Variants in PHF3 observed in about 807,000 individuals in gnomAD.
The protein encoded by PHF3 is PHD finger protein 3.
A neutral mutation model predicts 178.4 loss-of-function variants in PHF3; 41 were observed. The ratio of observed to expected loss-of-function variants is 0.23; its 90% CI spans 0.18 to 0.30. The LOEUF (loss-of-function observed/expected upper bound fraction) is 0.30. PHF3 is among the 10% of genes least tolerant of loss of function. The pLI is 1.00. For synonymous variants in PHF3, 842 were observed against 800.5 expected, an observed-to-expected ratio of 1.05 and a Z score of -0.88; for missense variants, 2,346 against 2,398.1, an observed-to-expected ratio of 0.98 and a Z score of 0.45.
intron 1 of PHF3, among the ~76,000 whole-genome samples, chr6:63,642,230 G>A (rs1434457291): frequency 1.3e-5 from 2 of 152,120 alleles, no homozygotes; most frequent in Non-Finnish European, 2.9e-5. Flanking sequence ...TGTTCCCTTT[G>A]CCTAGAATAT....
intron 3 of PHF3, among the ~76,000 whole-genome samples, chr6:63,683,472 C>G (rs150528444): frequency 2.0e-5 from 3 of 152,092 alleles, no homozygotes; most frequent in Non-Finnish European, 4.4e-5. Flanking sequence ...TCATACTTTC[C>G]TTATGATACA....
chr6:63,638,970 A>G (rs1581982622), intron 1 of PHF3, among the ~76,000 whole-genome samples: 1 of 152,168 alleles, frequency 6.6e-6, no homozygotes, highest in African/African-American at 2.4e-5. Context: ...TATTCTCAGT[A>G]AAGATATTAT....
intron 3 of PHF3, among the ~76,000 whole-genome samples, chr6:63,683,257 C>A (rs1034912870): frequency 1.3e-4 from 19 of 151,730 alleles, no homozygotes. Context: ...TTTAAAGATT[C>A]TCACAGTTCA....
At chr6:63,705,808 A>G (rs554712567) in intron 11 of PHF3, among the ~76,000 whole-genome samples, 6 of 152,204 alleles carry the variant, frequency 3.9e-5, no homozygotes, top group African/African-American at 1.4e-4. Context: ...CCCTGTATAT[A>G]GAAGAGGGCT....
In PHF3 at chr6:63,684,377, C is replaced by T; in HGVS notation, c.655C>T (p.His219Tyr). 1.2e-6 allele frequency: 2 copies of T among 1,613,880 alleles called. No individual in the cohort carries two copies. The highest frequency in any genetic ancestry group is 1.7e-6 in the Non-Finnish European group (2 of 1,179,792). ...VVPEVSVSSS[H>Y]SSVSSCLEMK... Reference sequence around the variant, plus strand: ...ACCTGAAGTATCAGTGTCTTCAAGTCATTCTTCAGTGTCATCTTGTCTTGA... The same window carrying T: ...ACCTGAAGTATCAGTGTCTTCAAGTTATTCTTCAGTGTCATCTTGTCTTGA... The change falls in exon 4 of 16, where the codon CAT (histidine) becomes TAT (tyrosine). Residue 219 changes from histidine (H) to tyrosine (Y), a missense_variant. This residue lies in a region of PHF3 where 843 missense variants were observed against 795.2 expected (regional missense o/e 1.06). Transcript: ENST00000262043.
At position 63,682,618 on chromosome 6, in the gene PHF3, A is replaced by G. The variant is rs1326230492; in HGVS notation, c.407-1511A>G. On this transcript the variant is annotated intron_variant, in intron 3 of 15. Transcript: ENST00000262043. ...ATTTTCAAAATCAGTTATTTGGTATATACGTGTGGCTTTGAGAAATGAAAA... is the reference window on the plus strand; with the variant it reads ...ATTTTCAAAATCAGTTATTTGGTATGTACGTGTGGCTTTGAGAAATGAAAA... Among the ~76,000 whole-genome samples the G allele has an allele frequency of 5.3e-5, 8 of 152,272 alleles. No individual in the cohort carries two copies. The East Asian group carries it at 1.5e-3, about 29-fold the overall frequency.
In PHF3 at chr6:63,706,860, C is replaced by G; in HGVS notation, c.3695C>G (p.Pro1232Arg). Residue 1232 changes from proline to arginine, a missense_variant, in exon 13 of 16, where the codon CCA (proline) becomes CGA (arginine). Coordinates refer to ENST00000262043, the MANE Select transcript of PHF3 (RefSeq NM_001370348.2). ...VTKAYPVSGS[P>R]EYLTEDLPDS... ...AAAGCCTATCCAGTATCTGGCTCCC[C>G]AGAATACCTGACAGAGGTACTGTGA... 6.2e-7 allele frequency: 1 copy of G among 1,613,890 alleles called. No homozygotes were observed.
Position 63,684,441 on chromosome 6 carries a change from G to T in PHF3, c.719G>T (p.Cys240Phe). The T allele has an allele frequency of 6.2e-7, 1 of 1,613,958 alleles. No individual in the cohort carries two copies. Among genetic ancestry groups the T allele is most frequent in the Non-Finnish European group, 8.5e-7 (1 of 1,179,872 alleles). ...GATGGATTAGATTCTAAGCATAAGT[G>T]TAATAATCCGGGAGAAATAGATGTG... is the stretch of plus-strand genomic sequence containing the variant. ...DEDGLDSKHK[C>F]NNPGEIDVPS... Residue 240 changes from cysteine (C) to phenylalanine (F), a missense_variant, in exon 4 of 16, where the codon TGT becomes TTT. Around this residue, in one of 8 missense-constraint regions of PHF3, gnomAD observed 843 missense variants for 795.2 expected, o/e 1.06. Transcript: ENST00000262043.
chr6:63,659,960 G>T (rs1284439405), intron 2 of PHF3, among the ~76,000 whole-genome samples: 1 of 152,086 alleles, frequency 6.6e-6, no homozygotes, highest in East Asian at 1.9e-4. Context: ...CATAAGTTCT[G>T]TTAAGATCAG....
chr6:63,639,651 C>A (rs1440256383), intron 1 of PHF3, among the ~76,000 whole-genome samples: 1 of 152,024 alleles, frequency 6.6e-6, no homozygotes, highest in Non-Finnish European at 1.5e-5. Context: ...GGGTATGTGA[C>A]CTTGGGCAAA....
At chr6:63,656,323 T>G (rs984958250) in intron 2 of PHF3, among the ~76,000 whole-genome samples, 2 of 152,260 alleles carry the variant, frequency 1.3e-5, no homozygotes, top group Non-Finnish European at 2.9e-5. Flanking sequence ...AAAATTAATC[T>G]TGTCTTCATT....
At position 63,644,767 on chromosome 6, in the gene PHF3, C is replaced by T. The variant is rs193067736; in HGVS notation, c.-25-1760C>T. Among the ~76,000 whole-genome samples the T allele has an allele frequency of 3.7e-4, 57 of 152,036 alleles. No individual in the cohort carries two copies. In the South Asian group the frequency reaches 6.0e-3, roughly 16 times the overall value. Reference sequence around the variant, plus strand: ...TGCATTCATTAAAAATGAACAGATTCGTGAAACCATTATCACAACCAAGAT... The same window carrying T: ...TGCATTCATTAAAAATGAACAGATTTGTGAAACCATTATCACAACCAAGAT... On this transcript the variant is annotated intron_variant, in intron 1 of 15. Transcript: ENST00000262043.
chr6:63,638,403 C>T (rs1456739850), intron 1 of PHF3, among the ~76,000 whole-genome samples: 1 of 152,026 alleles, frequency 6.6e-6, no homozygotes, highest in Non-Finnish European at 1.5e-5. Context: ...TGTTTATCTT[C>T]CTTAACATGG....
At position 63,722,194 on chromosome 6, in the gene PHF3, G is replaced by C. The variant is rs572328154; in HGVS notation, c.*8486G>C. ...TTTCCTGTCTCTCCAACCTTACCTGGAATGTTCTCTTTCCCCATCCTTACA... is the reference window on the plus strand; with the variant it reads ...TTTCCTGTCTCTCCAACCTTACCTGCAATGTTCTCTTTCCCCATCCTTACA... On this transcript the variant is annotated 3_prime_UTR_variant, in exon 16 of 16. Transcript: ENST00000262043. Among the ~76,000 whole-genome samples, 54 of 152,044 alleles carry C rather than the reference G, an allele frequency of 3.6e-4. No homozygotes were observed. The East Asian group carries it at 9.7e-3, about 27-fold the overall frequency.
Position 63,711,851 on chromosome 6 carries a change from T to A in PHF3, c.4263T>A (p.Leu1421=). Residue 1421 remains leucine (L), a synonymous_variant, in exon 16 of 16, where the codon CTT becomes CTA. Transcript: ENST00000262043. ...CTCAGCAGAATCTTCAGGAAGACCTTCCAACAGCAGTTGAACCTTTAATGG... is the reference window on the plus strand; with the variant it reads ...CTCAGCAGAATCTTCAGGAAGACCTACCAACAGCAGTTGAACCTTTAATGG... ...NKPQQNLQED[L]PTAVEPLMEV... The A allele has an allele frequency of 6.2e-7, 1 of 1,614,042 alleles. No homozygotes were observed. The highest frequency in any genetic ancestry group is 8.5e-7 in the Non-Finnish European group (1 of 1,179,938).
In PHF3 at chr6:63,694,666, A is replaced by G. The variant is rs373741969; in HGVS notation, c.2582A>G (p.Gln861Arg). 106 of 1,603,374 alleles carry G rather than the reference A, an allele frequency of 6.6e-5. No individual in the cohort carries two copies. The highest frequency in any genetic ancestry group is 5.5e-4 in the African/African-American group (41 of 74,448). Residue 861 changes from glutamine to arginine, a missense_variant, in exon 6 of 16, where the codon CAA becomes CGA. Around this residue, in one of 8 missense-constraint regions of PHF3, gnomAD observed 252 missense variants for 232.0 expected, o/e 1.09. Coordinates refer to ENST00000262043, the MANE Select transcript of PHF3 (RefSeq NM_001370348.2). ...WQLAPLRKMG[Q>R]PVLPRRSSEE... ...CTAGCTCCTCTTCGTAAGATGGGAC[A>G]ACCAGTTTTACCTCGGAGATCCTCA... is the stretch of plus-strand genomic sequence containing the variant.
rs75497310 is a variant in PHF3 at position 63,681,965 on chromosome 6, C to T, written c.406+1804C>T. On this transcript the variant is annotated intron_variant, in intron 3 of 15. Coordinates refer to ENST00000262043, the MANE Select transcript of PHF3 (RefSeq NM_001370348.2). ...TCCTATCAGAATTTAGGTTATTTTC[C>T]ATAACTTATTAGATTGCTAGCATAT... Among the ~76,000 whole-genome samples the T allele has an allele frequency of 6.3e-3, 963 of 152,120 alleles. 9 individuals are homozygous for T. The highest frequency in any genetic ancestry group is 0.022 in the African/African-American group (900 of 41,506).
intron 2 of PHF3, among the ~76,000 whole-genome samples, chr6:63,665,802 A>G (rs1765659238): frequency 1.3e-5 from 2 of 151,992 alleles, no homozygotes; most frequent in African/African-American, 4.8e-5. Flanking sequence ...AATTACTGTA[A>G]ACAGTCTACT....
Position 63,719,013 on chromosome 6 carries a change from A to G in PHF3, c.*5305A>G, listed in dbSNP as rs563435550. On this transcript the variant is annotated 3_prime_UTR_variant, in exon 16 of 16. Transcript: ENST00000262043. ...CAGCAAAATTTGATGGAGTTGTTTTAAGTGGTTTCCGTTAAAAAAACAAAC... is the reference window on the plus strand; with the variant it reads ...CAGCAAAATTTGATGGAGTTGTTTTGAGTGGTTTCCGTTAAAAAAACAAAC... Among the ~76,000 whole-genome samples, 5 of 151,974 alleles carry G rather than the reference A, an allele frequency of 3.3e-5. No individual in the cohort carries two copies. The highest frequency in any genetic ancestry group is 7.4e-5 in the Non-Finnish European group (5 of 67,922).
Sources: gnomAD v4.1 joint callset for allele counts (sites outside exome capture counted in the v4.1 genomes callset) on GRCh38, gnomAD v4.1.1 for gene constraint, gnomAD v4.1.1 regional missense constraint, MANE v1.5 for transcripts, NCBI Gene and HGNC (gene_info 2026-07-23, HGNC 2026-07-21) for gene names.